The following HUNK variants were observed in gnomAD, a reference collection of about 807,000 sequenced individuals.
HUNK encodes hormonally up-regulated neu tumor-associated kinase.
A neutral mutation model predicts 61.0 loss-of-function variants in HUNK; 21 were observed. The ratio of observed to expected loss-of-function variants is 0.34; its 90% CI spans 0.24 to 0.50. HUNK has a LOEUF of 0.50. HUNK is among the 20% of genes least tolerant of loss of function. The pLI is 0.98. For synonymous variants in HUNK, 371 were observed against 386.1 expected (o/e 0.96, Z 0.46); for missense variants, 772 against 945.7 (o/e 0.82, Z 2.41).
At chr21:31,960,359 C>T (rs1601399267) in intron 5 of HUNK, among the ~76,000 whole-genome samples, 1 of 147,096 alleles carries the variant, frequency 6.8e-6, no homozygotes, top group Non-Finnish European at 1.5e-5. Context: ...TAAATTGGGA[C>T]AAGGGGATAG....
chr21:31,935,514 A>G lies in HUNK; in HGVS notation c.555-4651A>G, dbSNP rs1011375646. Among the ~76,000 whole-genome samples, 32 of 152,134 alleles carry G rather than the reference A, an allele frequency of 2.1e-4. 1 individual carries two copies. Among genetic ancestry groups the G allele is most frequent in the African/African-American group, 7.7e-4 (32 of 41,416 alleles). ...TCATGTAACACCACTACAGTACCAT[A>G]AAGAATAATTTTAACACCCTAAAAC... On this transcript the variant is annotated intron_variant, in intron 2 of 10. Transcript: ENST00000270112.
chr21:31,970,641 T>C (rs1350647259), intron 6 of HUNK, among the ~76,000 whole-genome samples: 1 of 152,154 alleles, frequency 6.6e-6, no homozygotes, highest in Non-Finnish European at 1.5e-5. Context: ...AATCACCGCC[T>C]AAATGAGCAT....
intron 1 of HUNK, among the ~76,000 whole-genome samples, chr21:31,899,495 C>T (rs2052448687): frequency 6.6e-6 from 1 of 152,162 alleles, no homozygotes; most frequent in Non-Finnish European, 1.5e-5. Flanking sequence ...ATTAGGGACC[C>T]ATCCTACTCC....
Position 31,998,833 on chromosome 21 carries a change from G to C in HUNK, c.1794G>C (p.Thr598=). The C allele has an allele frequency of 6.2e-7, 1 of 1,614,148 alleles. No homozygotes were observed. The highest frequency in any genetic ancestry group is 8.5e-7 in the Non-Finnish European group (1 of 1,180,032). The change falls in exon 11 of 11, where the codon ACG becomes ACC. Residue 598 remains threonine, a synonymous_variant. Transcript: ENST00000270112. ...CTCGCAGAAATTCCAGCGAGAGGACGCTGTCCCCGGGTCTGCCATCCGGAA... is the reference window on the plus strand; with the variant it reads ...CTCGCAGAAATTCCAGCGAGAGGACCCTGTCCCCGGGTCTGCCATCCGGAA... The part of the protein sequence containing the change: ...SLARRNSSER[T]LSPGLPSGSM...
In HUNK at chr21:31,873,773, G is replaced by C. The variant is rs1283596309; in HGVS notation, c.99G>C (p.Glu33Asp). The change falls in exon 1 of 11, where the codon GAG (glutamate) becomes GAC (aspartate). Residue 33 changes from glutamate to aspartate, a missense_variant. Coordinates refer to ENST00000270112, the MANE Select transcript of HUNK (RefSeq NM_014586.2). This position sits in a 1 kb window ranked among gnomAD's most constrained non-coding sequence, Gnocchi z 6.1. ...EDAARPAAAC[E>D]GSFLPAWVSG... ...CGGCCAGGCCCGCGGCGGCCTGCGA[G>C]GGAAGTTTCCTGCCTGCCTGGGTGA... 6.6e-7 allele frequency: 1 copy of C among 1,514,488 alleles called. No homozygotes were observed. The highest frequency in any genetic ancestry group is 8.8e-7 in the Non-Finnish European group (1 of 1,134,102). The allele number at this position is 1,514,488 out of a possible 1,614,324, so 93.8% of individuals were successfully genotyped here.
chr21:31,931,131 T>C (rs977535684), intron 2 of HUNK, among the ~76,000 whole-genome samples: 2 of 150,854 alleles, frequency 1.3e-5, no homozygotes, highest in Non-Finnish European at 1.5e-5. Flanking sequence ...TGGGGAGTTA[T>C]GTGCTTGGGG....
chr21:31,878,211 A>AT (rs1177491062), intron 1 of HUNK, among the ~76,000 whole-genome samples: 3 of 137,452 alleles, frequency 2.2e-5, no homozygotes, highest in Admixed American at 7.8e-5. Context: ...GTGAGCCTAG[A>AT]TTGTGCCACT....
At chr21:31,913,914 G>A (rs1043420782) in intron 1 of HUNK, among the ~76,000 whole-genome samples, 1 of 151,996 alleles carries the variant, frequency 6.6e-6, no homozygotes, top group Non-Finnish European at 1.5e-5. Context: ...GGCAGTCCGG[G>A]GCAGGGGCTG....
At chr21:31,874,027 T>C in intron 1 of HUNK, 92 bp downstream of exon 1, 1 of 1,018,466 alleles carries the variant, frequency 9.8e-7, no homozygotes, top group Non-Finnish European at 1.3e-6. Context: ...AGTCCCAGTG[T>C]GCAGTCCCGG....
chr21:31,901,697 G>T (rs958164411), intron 1 of HUNK, among the ~76,000 whole-genome samples: 1 of 152,156 alleles, frequency 6.6e-6, no homozygotes, highest in African/African-American at 2.4e-5. Flanking sequence ...GTGTAGTAAG[G>T]CTACTTCTGT....
intron 8 of HUNK, among the ~76,000 whole-genome samples, chr21:31,984,380 AAAAAT>A (rs1216339918): frequency 6.6e-6 from 1 of 152,186 alleles, no homozygotes. Context: ...TGCGTCAACT[AAAAAT>A]AAAAGGAAAA....
rs1253749340 is a variant in HUNK at position 31,917,860 on chromosome 21, G to T, written c.262-6608G>T. ...TTGGTAAGAGCCATTGATTGGTGTG[G>T]TGCTATCACTCCTGTTGCCTGGAAC... On this transcript the variant is annotated intron_variant, in intron 1 of 10. Transcript: ENST00000270112. Among the ~76,000 whole-genome samples the T allele has an allele frequency of 6.6e-5, 10 of 152,154 alleles. No homozygotes were observed. The East Asian group carries it at 7.7e-4, about 12-fold the overall frequency.
At chr21:31,980,772 T>G (rs1282008329) in intron 7 of HUNK, among the ~76,000 whole-genome samples, 1 of 151,980 alleles carries the variant, frequency 6.6e-6, no homozygotes, top group Non-Finnish European at 1.5e-5. Context: ...TGGCGAGATC[T>G]CCATTCATCG....
intron 2 of HUNK, among the ~76,000 whole-genome samples, chr21:31,932,332 C>A (rs2052704194): frequency 6.6e-6 from 1 of 152,160 alleles, no homozygotes; most frequent in Non-Finnish European, 1.5e-5. Flanking sequence ...CTCCCTGACT[C>A]TCCTCCCTCG....
intron 9 of HUNK, among the ~76,000 whole-genome samples, chr21:31,991,753 A>G (rs904661623): frequency 2.6e-5 from 4 of 152,198 alleles, no homozygotes; most frequent in African/African-American, 2.4e-5. Flanking sequence ...ACTGGACTTG[A>G]TAGAGTTACT....
chr21:31,881,537 C>T (rs1170907712), intron 1 of HUNK, among the ~76,000 whole-genome samples: 1 of 151,988 alleles, frequency 6.6e-6, no homozygotes, highest in Non-Finnish European at 1.5e-5. Flanking sequence ...GCAGGAGAGT[C>T]GCTTGAACCA....
intron 2 of HUNK, among the ~76,000 whole-genome samples, chr21:31,930,473 T>C (rs1446402405): frequency 6.6e-6 from 1 of 152,226 alleles, no homozygotes; most frequent in East Asian, 1.9e-4. Context: ...GGCTGAATTC[T>C]ACTCATCCTT....
In HUNK at chr21:31,898,566, C is replaced by A. The variant is rs113077632; in HGVS notation, c.261+24631C>A. 5.9e-5 allele frequency among the ~76,000 whole-genome samples: 9 copies of A among 152,246 alleles called. No individual in the cohort carries two copies. In the East Asian group the frequency reaches 1.7e-3, roughly 29 times the overall value. ...ACAAGCATGAGCCACCACGCCCGGC[C>A]GTGGATTTTTTATTAGGGCAAAAAT... On this transcript the variant is annotated intron_variant, in intron 1 of 10. Coordinates refer to ENST00000270112, the MANE Select transcript of HUNK (RefSeq NM_014586.2).
intron 1 of HUNK, among the ~76,000 whole-genome samples, chr21:31,920,379 A>G (rs1344333127): frequency 2.0e-5 from 3 of 152,238 alleles, no homozygotes; most frequent in Non-Finnish European, 4.4e-5. Context: ...TCAATAAGGT[A>G]TCTTAACTAT....
Sources: allele counts gnomAD v4.1 joint callset (sites outside exome capture counted in the v4.1 genomes callset), GRCh38; gene constraint gnomAD v4.1.1; non-coding constraint Gnocchi (gnomAD v3.1); transcripts MANE v1.5; gene names NCBI Gene and HGNC (gene_info 2026-07-23, HGNC 2026-07-21).